TBC1D10A: variants seen among roughly 807,000 people sequenced by gnomAD.
TBC1D10A encodes EBP50-PDX interactor of 64 kDa.
In TBC1D10A, 24 loss-of-function variants were observed where a neutral mutation model predicts 52.9. The ratio of observed to expected loss-of-function variants is 0.45; its 90% CI spans 0.33 to 0.64. The LOEUF is 0.64. Among genes scored for constraint, TBC1D10A ranks in the 30% least tolerant of loss-of-function variants. The probability of loss-of-function intolerance (pLI) is 0.02; values close to 1 mark genes in which losing one functional copy is unlikely to be tolerated. For missense variants in TBC1D10A, 602 were observed against 687.9 expected, an observed-to-expected ratio of 0.88 and a Z score of 1.40; for synonymous variants, 278 against 282.9, an observed-to-expected ratio of 0.98 and a Z score of 0.17.
Position 30,293,704 on chromosome 22 carries a change from G to C in TBC1D10A, c.997C>G (p.Arg333Gly). 1.2e-6 allele frequency: 2 copies of C among 1,612,782 alleles called. No individual in the cohort carries two copies. The highest frequency in any genetic ancestry group is 1.1e-5 in the South Asian group (1 of 91,068). ...ACQGQYETIE[R>G]LRSLSPKIMQ... ...ATCTTGGGGCTGAGGCTCCGCAGTC[G>C]CTCGATGGTCTCGTACTGGCCCTGG... The change falls in exon 8 of 9, where the codon CGA becomes GGA. Residue 333 changes from arginine (R) to glycine (G), a missense_variant. Transcript: ENST00000215790.
chr22:30,308,284 ATGCCTGCATGCCTGCATGCCTGCC>A (rs1198711617), intron 1 of TBC1D10A, among the ~76,000 whole-genome samples: 6 of 119,664 alleles, frequency 5.0e-5, no homozygotes, highest in Non-Finnish European at 9.0e-5. Flanking sequence ...CACAGCCTGC[ATGCCTGCATGCCTGCATGCCTGCC>A]TGCCTGCATG....
chr22:30,306,957 C>T (rs979946615), intron 1 of TBC1D10A, among the ~76,000 whole-genome samples: 2 of 152,210 alleles, frequency 1.3e-5, no homozygotes, highest in Non-Finnish European at 2.9e-5. Context: ...TCTTAGAAAA[C>T]ATCTGATCCA....
chr22:30,303,407 A>C (rs565507046), intron 2 of TBC1D10A, among the ~76,000 whole-genome samples: 5 of 152,360 alleles, frequency 3.3e-5, no homozygotes, highest in Admixed American at 3.3e-4. Flanking sequence ...CTCTCCTCTC[A>C]TAGCACAGGG....
chr22:30,318,642 G>C (rs1930586670), intron 1 of TBC1D10A: 1 of 471,058 alleles, frequency 2.1e-6, no homozygotes, highest in Non-Finnish European at 4.4e-6. Context: ...ACTTCAGCTA[G>C]TCCAGAGCCT....
chr22:30,294,680 G>C, intron 6 of TBC1D10A, 116 bp downstream of exon 6: 1 of 1,373,734 alleles, frequency 7.3e-7, no homozygotes, highest in Non-Finnish European at 1.0e-6. Flanking sequence ...TCAGCCTCAA[G>C]GCAACAGAAG....
intron 2 of TBC1D10A, 182 bp from the exon 3 acceptor site, chr22:30,299,733 G>A (rs560249139): frequency 5.0e-5 from 25 of 496,740 alleles, no homozygotes; most frequent in Non-Finnish European, 9.1e-5. Flanking sequence ...TTGGGAGGCC[G>A]AGGCGGGTGG....
chr22:30,311,555 G>A (rs1930425854), intron 1 of TBC1D10A, among the ~76,000 whole-genome samples: 1 of 152,134 alleles, frequency 6.6e-6, no homozygotes. Context: ...TCCTTCTAGT[G>A]CTGGGTCAGT....
intron 1 of TBC1D10A, among the ~76,000 whole-genome samples, chr22:30,322,339 C>T (rs911334888): frequency 3.9e-5 from 6 of 152,074 alleles, no homozygotes; most frequent in South Asian, 2.1e-4. Context: ...CTAATGCTGT[C>T]GGCACTCTGA....
Position 30,295,837 on chromosome 22 carries a change from C to A in TBC1D10A, c.424G>T (p.Asp142Tyr). The A allele has an allele frequency of 6.2e-7, 1 of 1,612,854 alleles. No homozygotes were observed. ...CACTTGGGGTCCCCAGGGGACATGT[C>A]CAGCTCCTAGAAGCAAGGGCACAAA... ...QQNPGKFDELDMSPGDPKWLD... is the reference protein window; with the variant it reads ...QQNPGKFDELYMSPGDPKWLD... The change falls in exon 4 of 9, where the codon GAC becomes TAC. Residue 142 changes from aspartate (D) to tyrosine (Y), a missense_variant. Coordinates refer to ENST00000215790, the MANE Select transcript of TBC1D10A (RefSeq NM_031937.3).
Position 30,317,301 on chromosome 22 carries a change from G to A in TBC1D10A, c.209+9372C>T, listed in dbSNP as rs750556880. Among the ~76,000 whole-genome samples, 215 of 152,108 alleles carry A rather than the reference G, an allele frequency of 1.4e-3. 5 individuals carry two copies. The highest frequency in any genetic ancestry group is 6.5e-4 in the Admixed American group (10 of 15,280). On this transcript the variant is annotated intron_variant, in intron 1 of 8. Transcript: ENST00000215790. The stretch of plus-strand genomic sequence containing the variant: ...TGGGCACCTAAAACCCCAGCTACTC[G>A]GGAGGCTGAGGCATGAGAATCGCTT...
chr22:30,292,816 C>A lies in TBC1D10A; in HGVS notation c.1086G>T (p.Glu362Asp), dbSNP rs1386091057. ...GCCGCAGCTGAATGAGGTGTTCGCG[C>A]TCAATCTGGCGCTCTGTCACGGGCA... Reference protein sequence around the residue: ...VELPVTERQIEREHLIQLRRW... With the variant: ...VELPVTERQIDREHLIQLRRW... The change falls in exon 9 of 9, where the codon GAG (glutamate) becomes GAT (aspartate). Residue 362 changes from glutamate to aspartate, a missense_variant. Around this residue, in one of 3 missense-constraint regions of TBC1D10A, gnomAD observed 265 missense variants for 275.1 expected, o/e 0.96. Transcript: ENST00000215790. The A allele has an allele frequency of 6.2e-7, 1 of 1,611,540 alleles. No homozygotes were observed. The highest frequency in any genetic ancestry group is 8.5e-7 in the Non-Finnish European group (1 of 1,179,940).
At chr22:30,321,621 C>A (rs1026754449) in intron 1 of TBC1D10A, among the ~76,000 whole-genome samples, 3 of 152,222 alleles carry the variant, frequency 2.0e-5, no homozygotes, top group Non-Finnish European at 2.9e-5. Flanking sequence ...CCCTTGCTCC[C>A]ATAACAGGAA....
chr22:30,294,154 G>C, intron 6 of TBC1D10A, 44 bp from the exon 7 acceptor site: 1 of 1,600,892 alleles, frequency 6.2e-7, no homozygotes, highest in Non-Finnish European at 8.5e-7. Flanking sequence ...GTGGGCTGCA[G>C]GAGCCAGGGC....
rs150496732 is a variant in TBC1D10A, at chr22:30,293,678, G to A, written c.1023C>T (p.Ile341=). Residue 341 remains isoleucine (I), a synonymous_variant, in exon 8 of 9, where the codon ATC becomes ATT. Coordinates refer to ENST00000215790, the MANE Select transcript of TBC1D10A (RefSeq NM_031937.3). ...CCTGGACCAGAAAGGCCTCCTGCATGATCTTGGGGCTGAGGCTCCGCAGTC... is the reference window on the plus strand; with the variant it reads ...CCTGGACCAGAAAGGCCTCCTGCATAATCTTGGGGCTGAGGCTCCGCAGTC... ...IERLRSLSPK[I]MQEAFLVQEV... 2 of 1,610,718 alleles carry A rather than the reference G, an allele frequency of 1.2e-6. No individual in the cohort carries two copies. The highest frequency in any genetic ancestry group is 2.2e-5 in the South Asian group (2 of 91,038).
chr22:30,313,812 G>A (rs1019490919), intron 1 of TBC1D10A, among the ~76,000 whole-genome samples: 2 of 151,936 alleles, frequency 1.3e-5, no homozygotes, highest in Non-Finnish European at 2.9e-5. Flanking sequence ...TTGATATCAG[G>A]TGGGTAAAGC....
At position 30,292,078 on chromosome 22, in the gene TBC1D10A, C is replaced by T. The variant is rs1035489393; in HGVS notation, c.*297G>A. The stretch of plus-strand genomic sequence containing the variant: ...CACCCTTTCCCCTCACACCAGCACC[C>T]TAACCCTGGGGAGCATCCCCCAGGA... On this transcript the variant is annotated 3_prime_UTR_variant, in exon 9 of 9. Transcript: ENST00000215790. The T allele has an allele frequency of 1.1e-5, 4 of 375,140 alleles. No individual in the cohort carries two copies. Among genetic ancestry groups the T allele is most frequent in the African/African-American group, 8.3e-5 (4 of 47,910 alleles). 23.2% of individuals were successfully genotyped at this position (375,140 alleles called of 1,614,324 possible). A position where few individuals can be genotyped will look rare whatever the true frequency, so the allele number is the denominator to read the frequency against.
chr22:30,294,872 G>A lies in TBC1D10A; in HGVS notation c.640-11C>T. 6.2e-7 allele frequency: 1 copy of A among 1,614,142 alleles called. No individual in the cohort carries two copies. The highest frequency in any genetic ancestry group is 8.5e-7 in the Non-Finnish European group (1 of 1,180,034). On this transcript the variant is annotated splice_polypyrimidine_tract_variant and intron_variant, in intron 5 of 8. Transcript: ENST00000215790. ...GCACCAGAAGGCTTGCTGTGGGCAA[G>A]AGAGATGTGAGGCCTTGCCGTTGGG... is the stretch of plus-strand genomic sequence containing the variant.
intron 1 of TBC1D10A, 112 bp downstream of exon 1, chr22:30,326,561 G>C (rs2069100300): frequency 9.5e-6 from 10 of 1,051,904 alleles, no homozygotes; most frequent in Non-Finnish European, 1.0e-5. Flanking sequence ...ACGGGGATTA[G>C]TGGTCCCTGC....
chr22:30,318,561 G>T, intron 1 of TBC1D10A: 1 of 468,360 alleles, frequency 2.1e-6, no homozygotes. Context: ...CTCTTCAGAG[G>T]AAGGCCACAG....
Sources: allele counts gnomAD v4.1 joint callset (sites outside exome capture counted in the v4.1 genomes callset), GRCh38; gene constraint gnomAD v4.1.1; regional missense constraint gnomAD v4.1.1; transcripts MANE v1.5; gene names NCBI Gene and HGNC (gene_info 2026-07-23, HGNC 2026-07-21).